Variants in VPS13B observed in about 807,000 individuals in gnomAD.
VPS13B encodes the protein intermembrane lipid transfer protein VPS13B.
In VPS13B, 285 loss-of-function variants were observed where a neutral mutation model predicts 426.4. The ratio of observed to expected loss-of-function variants is 0.67; its 90% CI spans 0.61 to 0.74. The LOEUF (loss-of-function observed/expected upper bound fraction) is 0.74. Among genes scored for constraint, VPS13B ranks in the 30% least tolerant of loss-of-function variants. The pLI is 0.00. For synonymous variants in VPS13B, 1,676 were observed against 1,676.4 expected, an observed-to-expected ratio of 1.00 and a Z score of 0.01; for missense variants, 4,537 against 4,782.6, an observed-to-expected ratio of 0.95 and a Z score of 1.51.
At chr8:99,218,762 G>T (rs949323498) in intron 17 of VPS13B, among the ~76,000 whole-genome samples, 1 of 152,196 alleles carries the variant, frequency 6.6e-6, no homozygotes, top group Non-Finnish European at 1.5e-5. Flanking sequence ...AGTTTGACAA[G>T]AGTAGTCTGG....
At chr8:99,488,392 G>GA (rs1298093636) in intron 25 of VPS13B, among the ~76,000 whole-genome samples, 1 of 149,322 alleles carries the variant, frequency 6.7e-6, no homozygotes, top group Non-Finnish European at 1.5e-5. Flanking sequence ...TAAGGTGTAT[G>GA]TTTTTTTTTT....
chr8:99,697,116 G>A, intron 35 of VPS13B: 1 of 525,412 alleles, frequency 1.9e-6, no homozygotes. Context: ...ACTCTTGCCA[G>A]CTGACCAGCT....
intron 30 of VPS13B, among the ~76,000 whole-genome samples, chr8:99,536,304 T>C (rs1220401580): frequency 6.6e-6 from 1 of 152,170 alleles, no homozygotes; most frequent in Admixed American, 6.5e-5. Flanking sequence ...AACTTTAATA[T>C]CAAATAATAT....
chr8:99,065,036 T>C (rs1040845063), intron 3 of VPS13B, among the ~76,000 whole-genome samples: 3 of 152,102 alleles, frequency 2.0e-5, no homozygotes, highest in African/African-American at 7.2e-5. Flanking sequence ...AGAAATAAAA[T>C]ACTTTACAGA....
intron 19 of VPS13B, among the ~76,000 whole-genome samples, chr8:99,369,769 T>C (rs962510409): frequency 3.3e-5 from 5 of 152,202 alleles, no homozygotes; most frequent in African/African-American, 1.2e-4. Flanking sequence ...GAGTTTCATC[T>C]ATAGCAAAAT....
intron 17 of VPS13B, among the ~76,000 whole-genome samples, chr8:99,241,879 G>C (rs1816950015): frequency 6.6e-6 from 1 of 152,126 alleles, no homozygotes. Context: ...ACATAGATTA[G>C]AGTGGAAGCT....
chr8:99,367,065 GT>G (rs1158521882), intron 19 of VPS13B, among the ~76,000 whole-genome samples: 6 of 152,034 alleles, frequency 3.9e-5, no homozygotes, highest in African/African-American at 1.4e-4. Context: ...AGTATTCTGT[GT>G]TTTTTCTGTG....
intron 8 of VPS13B, among the ~76,000 whole-genome samples, chr8:99,129,586 A>AT (rs1809642868): frequency 1.3e-5 from 2 of 151,338 alleles, no homozygotes; most frequent in Admixed American, 6.6e-5. Flanking sequence ...AAAAAAAAAA[A>AT]AAAAGTCTGA....
At chr8:99,821,169 A>ACACCC in intron 49 of VPS13B, 125 bp from the exon 50 acceptor site, 1 of 571,690 alleles carries the variant, frequency 1.7e-6, no homozygotes. Context: ...CACACACACC[A>ACACCC]TGGAGGGATA....
chr8:99,034,544 G>A (rs544082613), intron 2 of VPS13B, among the ~76,000 whole-genome samples: 14 of 152,070 alleles, frequency 9.2e-5, no homozygotes, highest in Admixed American at 3.3e-4. Context: ...TGGAACAACA[G>A]ATATACAGTC....
At chr8:99,614,364 G>A (rs1310856975) in intron 33 of VPS13B, among the ~76,000 whole-genome samples, 3 of 151,918 alleles carry the variant, frequency 2.0e-5, no homozygotes, top group African/African-American at 4.8e-5. Flanking sequence ...CACAACCTCC[G>A]CCTCCCGGGT....
chr8:99,664,516 G>A (rs1425697892), intron 35 of VPS13B, among the ~76,000 whole-genome samples: 1 of 151,746 alleles, frequency 6.6e-6, no homozygotes, highest in Non-Finnish European at 1.5e-5. Context: ...CCCTTCCTGT[G>A]TCTATGTGTT....
chr8:99,747,286 A>C (rs951739263), intron 39 of VPS13B, among the ~76,000 whole-genome samples: 5 of 137,758 alleles, frequency 3.6e-5, no homozygotes, highest in Non-Finnish European at 6.2e-5. Flanking sequence ...GTTATTGTAC[A>C]AAAAAAAAAA....
chr8:99,561,852 T>C (rs1824939547), intron 31 of VPS13B, among the ~76,000 whole-genome samples: 1 of 152,230 alleles, frequency 6.6e-6, no homozygotes, highest in Non-Finnish European at 1.5e-5. Context: ...CTGTTTCTGC[T>C]TTTTGGCTAC....
intron 25 of VPS13B, among the ~76,000 whole-genome samples, chr8:99,494,404 T>C (rs1820783165): frequency 6.6e-6 from 1 of 152,170 alleles, no homozygotes. Flanking sequence ...GTTTTCATTA[T>C]GTCTTTTACT....
chr8:99,351,191 T>G (rs1811859736), intron 19 of VPS13B, among the ~76,000 whole-genome samples: 1 of 152,196 alleles, frequency 6.6e-6, no homozygotes, highest in African/African-American at 2.4e-5. Context: ...TCTTTTCTCT[T>G]AATTATGTTT....
intron 39 of VPS13B, among the ~76,000 whole-genome samples, chr8:99,727,837 T>G (rs201894652): frequency 1.3e-5 from 2 of 152,306 alleles, no homozygotes; most frequent in African/African-American, 4.8e-5. Context: ...CACAGAAATA[T>G]TTGTTGGAAT....
intron 17 of VPS13B, among the ~76,000 whole-genome samples, chr8:99,259,603 C>T (rs1161424328): frequency 1.3e-5 from 2 of 151,962 alleles, no homozygotes; most frequent in African/African-American, 4.8e-5. Context: ...TTTGTGTTGG[C>T]CTTGATTGGG....
At chr8:99,423,831 T>C (rs1163872981) in intron 21 of VPS13B, among the ~76,000 whole-genome samples, 1 of 152,196 alleles carries the variant, frequency 6.6e-6, no homozygotes, top group Non-Finnish European at 1.5e-5. Context: ...TACTTCCAAC[T>C]ATGTGGTCAG....
Sources: gnomAD v4.1 joint callset for allele counts (sites outside exome capture counted in the v4.1 genomes callset) on GRCh38, gnomAD v4.1.1 for gene constraint, MANE v1.5 for transcripts, NCBI Gene and HGNC (gene_info 2026-07-23, HGNC 2026-07-21) for gene names.